Variants in SPTSSA observed in about 807,000 individuals in gnomAD.
SPTSSA encodes small subunit of serine palmitoyltransferase A.
In SPTSSA, 8 loss-of-function variants were observed where a neutral mutation model predicts 9.1. That is an observed-to-expected ratio of 0.88 (90% confidence interval 0.51 to 1.58). SPTSSA has a LOEUF of 1.58. Among genes scored for constraint, SPTSSA ranks in the 40% most tolerant of loss-of-function variants. SPTSSA has a pLI of 0.00. For synonymous variants in SPTSSA, 42 were observed against 37.7 expected (o/e 1.11, Z -0.41); for missense variants, 100 against 93.8 (o/e 1.07, Z -0.27).
At chr14:34,449,482 G>T (rs983765772) in intron 1 of SPTSSA, among the ~76,000 whole-genome samples, 6 of 149,846 alleles carry the variant, frequency 4.0e-5, no homozygotes, top group Non-Finnish European at 5.9e-5. Context: ...TTACAGGCGT[G>T]AGCCACTGCA....
intron 1 of SPTSSA, among the ~76,000 whole-genome samples, chr14:34,448,673 G>C (rs1171759191): frequency 2.0e-5 from 3 of 152,162 alleles, no homozygotes; most frequent in African/African-American, 7.2e-5. Flanking sequence ...CCATACTATG[G>C]AGTGTACTTT....
At chr14:34,457,960 A>T (rs1878517035) in intron 1 of SPTSSA, among the ~76,000 whole-genome samples, 1 of 141,044 alleles carries the variant, frequency 7.1e-6, no homozygotes. Context: ...TGACAGAGCA[A>T]GACTGTCTCG....
chr14:34,457,990 ACAAAG>A (rs1878520837), intron 1 of SPTSSA, among the ~76,000 whole-genome samples: 1 of 109,876 alleles, frequency 9.1e-6, no homozygotes, highest in East Asian at 3.2e-4. Context: ...AAAAAAAAAA[ACAAAG>A]AAAAGAAAAG....
chr14:34,442,987 A>AGG (rs1883346168), intron 1 of SPTSSA, among the ~76,000 whole-genome samples: 1 of 102,096 alleles, frequency 9.8e-6, no homozygotes, highest in African/African-American at 4.3e-5. Flanking sequence ...TGTGTGTGAG[A>AGG]TGGAGTTTCC....
intron 1 of SPTSSA, among the ~76,000 whole-genome samples, chr14:34,449,106 C>G (rs988301507): frequency 3.3e-5 from 5 of 151,922 alleles, no homozygotes; most frequent in Non-Finnish European, 7.4e-5. Context: ...TCAAAAAATG[C>G]AGGCCAGGTG....
intron 1 of SPTSSA, among the ~76,000 whole-genome samples, chr14:34,451,371 GCAAAGCTAAAA>G (rs1305703234): frequency 3.9e-5 from 6 of 152,052 alleles, no homozygotes; most frequent in Non-Finnish European, 7.4e-5. Context: ...ACATTAAAAA[GCAAAGCTAAAA>G]CAACATTTAA....
At chr14:34,440,611 G>A (rs1280720104) in intron 1 of SPTSSA, among the ~76,000 whole-genome samples, 1 of 152,186 alleles carries the variant, frequency 6.6e-6, no homozygotes, top group South Asian at 2.1e-4. Context: ...GCTGGGCGCG[G>A]TGGCTTACAC....
chr14:34,460,442 T>A (rs1878592715), intron 1 of SPTSSA, among the ~76,000 whole-genome samples: 1 of 152,180 alleles, frequency 6.6e-6, no homozygotes, highest in Non-Finnish European at 1.5e-5. Flanking sequence ...TTTCATTTCA[T>A]AATTTATTTC....
rs1447903085 is a variant in SPTSSA at position 34,432,797 on chromosome 14, C to T, written c.*2404G>A. 3.3e-5 allele frequency: 5 copies of T among 150,922 alleles called. No homozygotes were observed. The highest frequency in any genetic ancestry group is 6.6e-5 in the Admixed American group (1 of 15,148). 9.3% of individuals were successfully genotyped at this position (150,922 alleles called of 1,614,324 possible). A position where few individuals can be genotyped will look rare whatever the true frequency, so the allele number is the denominator to read the frequency against. The stretch of plus-strand genomic sequence containing the variant: ...TCAAATAATCATTAGCTTTTTTCAG[C>T]AATAAATAATTCTTTAATTAAGATA... On this transcript the variant is annotated 3_prime_UTR_variant, in exon 2 of 2. Coordinates refer to ENST00000298130, the MANE Select transcript of SPTSSA (RefSeq NM_138288.4).
At chr14:34,446,333 A>G (rs1231630671) in intron 1 of SPTSSA, among the ~76,000 whole-genome samples, 1 of 152,206 alleles carries the variant, frequency 6.6e-6, no homozygotes, top group Non-Finnish European at 1.5e-5. Flanking sequence ...AGCTTTTCCA[A>G]GTTCACAGGT....
chr14:34,445,195 A>G (rs1883401089), intron 1 of SPTSSA, among the ~76,000 whole-genome samples: 1 of 152,136 alleles, frequency 6.6e-6, no homozygotes, highest in Non-Finnish European at 1.5e-5. Context: ...TATAATAAAA[A>G]GGTTTTTGCT....
intron 1 of SPTSSA, among the ~76,000 whole-genome samples, chr14:34,451,929 C>T (rs1038983163): frequency 9.3e-4 from 142 of 152,114 alleles, no homozygotes; most frequent in African/African-American, 3.3e-3. Context: ...GGAAAGCTTC[C>T]TTATTACTGT....
At position 34,445,357 on chromosome 14, in the gene SPTSSA, C is replaced by T. The variant is rs914701649; in HGVS notation, c.113-10053G>A. On this transcript the variant is annotated intron_variant, in intron 1 of 1. Coordinates refer to ENST00000298130, the MANE Select transcript of SPTSSA (RefSeq NM_138288.4). ...GTCTATGAAACATACAAAAACTAGCCGAGCGTGGTGGCATGCACCTGTAAT... is the reference window on the plus strand; with the variant it reads ...GTCTATGAAACATACAAAAACTAGCTGAGCGTGGTGGCATGCACCTGTAAT... Among the ~76,000 whole-genome samples the T allele has an allele frequency of 3.3e-5, 5 of 151,844 alleles. No homozygotes were observed. The East Asian group carries it at 7.7e-4, about 24-fold the overall frequency.
intron 1 of SPTSSA, among the ~76,000 whole-genome samples, chr14:34,456,722 A>G (rs1594626402): frequency 6.6e-6 from 1 of 152,032 alleles, no homozygotes; most frequent in East Asian, 2.0e-4. Flanking sequence ...ACATGGTGAA[A>G]TCTTGTCTCT....
intron 1 of SPTSSA, among the ~76,000 whole-genome samples, chr14:34,453,907 C>T (rs966918859): frequency 7.3e-5 from 11 of 151,128 alleles, no homozygotes; most frequent in African/African-American, 2.4e-4. Flanking sequence ...AGGCCAGGTC[C>T]GATGGTTCAC....
chr14:34,453,884 T>TAG (rs1555315219), intron 1 of SPTSSA, among the ~76,000 whole-genome samples: 9 of 147,656 alleles, frequency 6.1e-5, no homozygotes, highest in Non-Finnish European at 6.0e-5. Context: ...TTTGTTCTTT[T>TAG]AAAAAAAAAA....
chr14:34,443,171 G>GTGTGTGTTTGTGTT (rs775781106), intron 1 of SPTSSA, among the ~76,000 whole-genome samples: 2 of 62,094 alleles, frequency 3.2e-5, no homozygotes, highest in Admixed American at 1.6e-4. Flanking sequence ...GTGTGTGTGT[G>GTGTGTGTTTGTGTT]TTTTGAGATT....
At chr14:34,447,587 T>C (rs540721546) in intron 1 of SPTSSA, among the ~76,000 whole-genome samples, 1 of 152,124 alleles carries the variant, frequency 6.6e-6, no homozygotes, top group East Asian at 1.9e-4. Flanking sequence ...TGGCCCTAAG[T>C]TTTGCTCATA....
chr14:34,459,445 C>G lies in SPTSSA; in HGVS notation c.112+2651G>C, dbSNP rs971871084. Among the ~76,000 whole-genome samples, 8 of 139,226 alleles carry G rather than the reference C, an allele frequency of 5.7e-5. No individual in the cohort carries two copies. In the East Asian group the frequency reaches 1.7e-3, roughly 30 times the overall value. 91.3% of individuals were successfully genotyped at this position (139,226 alleles called of 152,430 possible). A position where few individuals can be genotyped will look rare whatever the true frequency, so the allele number is the denominator to read the frequency against. ...CCACACTCCAGCCTCGGCAACAGAGCGAGACACCGTCTCAAAAAAAAAAAA... is the reference window on the plus strand; with the variant it reads ...CCACACTCCAGCCTCGGCAACAGAGGGAGACACCGTCTCAAAAAAAAAAAA... On this transcript the variant is annotated intron_variant, in intron 1 of 1. Transcript: ENST00000298130.
Sources: allele counts gnomAD v4.1 joint callset (sites outside exome capture counted in the v4.1 genomes callset), GRCh38; gene constraint gnomAD v4.1.1; transcripts MANE v1.5; gene names NCBI Gene and HGNC (gene_info 2026-07-23, HGNC 2026-07-21).